KLHDC4: variants seen among roughly 807,000 people sequenced by gnomAD.
The protein encoded by KLHDC4 is kelch domain-containing protein 4.
KLHDC4 carries 90 observed loss-of-function variants against 62.4 expected under a neutral mutation model. The observed-to-expected ratio is 1.44, with a 90% CI of 1.22 to 1.72. KLHDC4 has a LOEUF of 1.72. KLHDC4 is among the 40% of genes most tolerant of loss of function. The probability of loss-of-function intolerance (pLI) is 0.00; values close to 1 mark genes in which losing one functional copy is unlikely to be tolerated. For synonymous variants in KLHDC4, 386 were observed against 284.4 expected (o/e 1.36, Z -3.59); for missense variants, 1,025 against 699.7 (o/e 1.47, Z -5.25).
At chr16:87,725,122 C>T (rs1436065941) in intron 7 of KLHDC4, among the ~76,000 whole-genome samples, 1 of 152,078 alleles carries the variant, frequency 6.6e-6, no homozygotes, top group African/African-American at 2.4e-5. Context: ...AGCTCCAGGA[C>T]AGGCAGATCT....
At chr16:87,762,443 G>A (rs973632240) in intron 1 of KLHDC4, among the ~76,000 whole-genome samples, 3 of 152,110 alleles carry the variant, frequency 2.0e-5, no homozygotes, top group East Asian at 1.9e-4. Flanking sequence ...CAAGCCCATC[G>A]TGACTTCACT....
chr16:87,705,808 G>GGGGCGC (rs1248373939), downstream of KLHDC4, among the ~76,000 whole-genome samples: 1 of 152,180 alleles, frequency 6.6e-6, no homozygotes, highest in Admixed American at 6.5e-5. Flanking sequence ...GGCGGGGGCG[G>GGGGCGC]GGGCGCTGCT....
chr16:87,765,736 G>C (rs2046566336), intron 1 of KLHDC4, 56 bp downstream of exon 1: 5 of 1,498,392 alleles, frequency 3.3e-6, no homozygotes, highest in Non-Finnish European at 2.7e-6. Context: ...GCAGGGAGTC[G>C]GCCGAGGCTG....
rs1300678419 is a variant in KLHDC4, at chr16:87,733,907, T to C, written c.507-3263A>G. Among the ~76,000 whole-genome samples, 3 of 152,250 alleles carry C rather than the reference T, an allele frequency of 2.0e-5. No individual in the cohort carries two copies. In the East Asian group the frequency reaches 5.8e-4, roughly 29 times the overall value. On this transcript the variant is annotated intron_variant, in intron 5 of 11. Transcript: ENST00000270583. The stretch of plus-strand genomic sequence containing the variant: ...CACAGCAACTCTGGGCTGCAAAGGA[T>C]GGTTACAGCTTCAATCACGCAAGTC...
chr16:87,715,216 C>A (rs982425913), intron 7 of KLHDC4, among the ~76,000 whole-genome samples: 5 of 151,994 alleles, frequency 3.3e-5, no homozygotes, highest in Non-Finnish European at 7.4e-5. Flanking sequence ...TGGAGGGCCC[C>A]CATCCATTTC....
chr16:87,715,149 C>A (rs1468033918), intron 7 of KLHDC4, among the ~76,000 whole-genome samples: 1 of 152,224 alleles, frequency 6.6e-6, no homozygotes, highest in East Asian at 1.9e-4. Context: ...GGTGCCACAC[C>A]CATTACCTGG....
Position 87,755,240 on chromosome 16 carries a change from G to A in KLHDC4, c.323C>T (p.Thr108Ile). 1 of 1,611,946 alleles carries A rather than the reference G, an allele frequency of 6.2e-7. No homozygotes were observed. Among genetic ancestry groups the A allele is most frequent in the Non-Finnish European group, 8.5e-7 (1 of 1,178,154 alleles). Residue 108 changes from threonine (T) to isoleucine (I), a missense_variant, in exon 4 of 12, where the codon ACC becomes ATC. Physicochemically the swap from Thr to Ile is moderately conservative, Grantham distance 89. Transcript: ENST00000270583. ...AGGTGGACTGGGGATGTCAACTTTG[G>A]TCCAGGTGTCCTTTCTGGTATTGTA... is the stretch of plus-strand genomic sequence containing the variant. ...YVYNTRKDTWTKVDIPSPPPR... is the reference protein window; with the variant it reads ...YVYNTRKDTWIKVDIPSPPPR...
intron 5 of KLHDC4, among the ~76,000 whole-genome samples, chr16:87,738,196 G>A (rs931880830): frequency 6.6e-5 from 10 of 152,230 alleles, no homozygotes; most frequent in Non-Finnish European, 8.8e-5. Context: ...AACTCGTTGC[G>A]GTCCTTCACT....
chr16:87,734,519 C>T (rs62055583), intron 5 of KLHDC4, among the ~76,000 whole-genome samples: 22 of 152,184 alleles, frequency 1.4e-4, no homozygotes, highest in Admixed American at 3.3e-4. Flanking sequence ...TGCTCAAACG[C>T]GGGATCCCAC....
At chr16:87,760,802 G>A (rs141041857) in intron 2 of KLHDC4, among the ~76,000 whole-genome samples, 101 of 152,250 alleles carry the variant, frequency 6.6e-4, no homozygotes, top group African/African-American at 2.4e-3. Context: ...GGAGGCCAAG[G>A]CAGGTGGATT....
At position 87,762,196 on chromosome 16, in the gene KLHDC4, C is replaced by G. The variant is rs948042847; in HGVS notation, c.100-156G>C. The G allele has an allele frequency of 1.9e-5, 27 of 1,429,122 alleles. No individual in the cohort carries two copies. The East Asian group carries it at 6.1e-4, about 32-fold the overall frequency. 88.5% of individuals were successfully genotyped at this position (1,429,122 alleles called of 1,614,324 possible). A position where few individuals can be genotyped will look rare whatever the true frequency, so the allele number is the denominator to read the frequency against. On this transcript the variant is annotated intron_variant, in intron 1 of 11. Transcript: ENST00000270583. ...TGCCTGTTTGAAATGCAGAGTTTGACACATTCGAAAGTAACCAGAGCTTGA... is the reference window on the plus strand; with the variant it reads ...TGCCTGTTTGAAATGCAGAGTTTGAGACATTCGAAAGTAACCAGAGCTTGA...
rs148870193 is a variant in KLHDC4 at position 87,709,600 on chromosome 16, G to A, written c.1112C>T (p.Pro371Leu). Residue 371 changes from proline to leucine, a missense_variant, in exon 10 of 12, where the codon CCG (proline) becomes CTG (leucine). Coordinates refer to ENST00000270583, the MANE Select transcript of KLHDC4 (RefSeq NM_017566.4). ...CTGGGTGCCAGCTCCCCCACACGCC[G>A]GCCTGCTACCACCTTCGGGCTCCTC... ...RKEEPEGGSR[P>L]ACGGAGTQGP... The A allele has an allele frequency of 4.7e-4, 750 of 1,612,034 alleles. 2 individuals carry two copies. Among genetic ancestry groups the A allele is most frequent in the Non-Finnish European group, 5.7e-4 (673 of 1,179,414 alleles).
intron 7 of KLHDC4, among the ~76,000 whole-genome samples, chr16:87,720,678 C>T (rs1055928787): frequency 1.4e-4 from 22 of 152,382 alleles, no homozygotes; most frequent in Middle Eastern, 6.8e-3. Context: ...TGAAGCCGCG[C>T]GCCCCCTCCA....
chr16:87,765,018 C>T (rs1213180160), intron 1 of KLHDC4: 1 of 424,534 alleles, frequency 2.4e-6, no homozygotes, highest in Non-Finnish European at 4.7e-6. Flanking sequence ...TCATGGTTCA[C>T]CTGTTGGTCT....
exon 1 of KLHDC4, chr16:87,698,309 CCATCTTTTA>C: frequency 6.6e-6 from 1 of 152,340 alleles, no homozygotes; most frequent in East Asian, 1.9e-4. Context: ...TACATCTTTT[CCATCTTTTA>C]GTAGCAAGTG....
At chr16:87,763,684 G>A (rs1035174414) in intron 1 of KLHDC4, 2 of 152,166 alleles carry the variant, frequency 1.3e-5, no homozygotes, top group African/African-American at 4.8e-5. Flanking sequence ...TGCTCAACGA[G>A]GTTAAACAAA....
At chr16:87,735,611 T>A (rs931360072) in intron 5 of KLHDC4, among the ~76,000 whole-genome samples, 2 of 152,224 alleles carry the variant, frequency 1.3e-5, no homozygotes, top group African/African-American at 4.8e-5. Flanking sequence ...AGGGGAAAAT[T>A]TTCTATAAAA....
At chr16:87,706,535 G>A (rs1171330173), downstream of KLHDC4, among the ~76,000 whole-genome samples, 1 of 152,186 alleles carries the variant, frequency 6.6e-6, no homozygotes, top group Non-Finnish European at 1.5e-5. Context: ...ACATCCAGAC[G>A]CACCAGACAG....
At chr16:87,760,775 G>A (rs959484263) in intron 2 of KLHDC4, among the ~76,000 whole-genome samples, 1 of 152,176 alleles carries the variant, frequency 6.6e-6, no homozygotes, top group Non-Finnish European at 1.5e-5. Context: ...ACTCACGCCT[G>A]TAATCCCAGC....
Sources: allele counts gnomAD v4.1 joint callset (sites outside exome capture counted in the v4.1 genomes callset), GRCh38; gene constraint gnomAD v4.1.1; transcripts MANE v1.5; gene names NCBI Gene and HGNC (gene_info 2026-07-23, HGNC 2026-07-21).